MATCAP2: variants seen among roughly 807,000 people sequenced by gnomAD.
MATCAP2 encodes the protein putative tyrosine carboxypeptidase MATCAP2.
the MATCAP2 span, among the ~76,000 whole-genome samples, chr7:36,364,208 C>G: frequency 6.6e-6 from 1 of 152,178 alleles, no homozygotes; most frequent in Admixed American, 6.5e-5. Flanking sequence ...CTGCCTCAGC[C>G]TTCCAAGTAG....
At chr7:36,390,003 T>C in the MATCAP2 span, 1 of 1,614,100 alleles carries the variant, frequency 6.2e-7, no homozygotes, top group Non-Finnish European at 8.5e-7. Context: ...GTTTCCATCG[T>C]CTCGTAGTCC....
the MATCAP2 span, chr7:36,367,191 G>C: frequency 8.4e-7 from 1 of 1,188,978 alleles, no homozygotes; most frequent in Non-Finnish European, 1.0e-6. Flanking sequence ...GCCCAGCAGC[G>C]CTTAGAACCT....
chr7:36,347,345 GACCATCAATC>G, the MATCAP2 span, among the ~76,000 whole-genome samples: 1 of 152,152 alleles, frequency 6.6e-6, no homozygotes. Flanking sequence ...CTGGAAACCT[GACCATCAATC>G]ATGTGCTAAA....
At chr7:36,342,506 G>A in the MATCAP2 span, among the ~76,000 whole-genome samples, 451 of 152,308 alleles carry the variant, frequency 3.0e-3, 1 homozygote, top group African/African-American at 0.01. Flanking sequence ...CAGGAAGCTT[G>A]AGAAATCAAC....
the MATCAP2 span, among the ~76,000 whole-genome samples, chr7:36,333,094 A>C: frequency 1.1e-4 from 16 of 152,092 alleles, no homozygotes; most frequent in African/African-American, 3.9e-4. Context: ...AGCAGACTTA[A>C]ACGTTCCTGC....
chr7:36,383,918 CT>C, the MATCAP2 span: 4 of 1,576,680 alleles, frequency 2.5e-6, no homozygotes, highest in Admixed American at 1.8e-5. Context: ...AGGTCTTGGC[CT>C]TTTCTCTCCC....
chr7:36,345,476 T>C, the MATCAP2 span, among the ~76,000 whole-genome samples: 1 of 152,120 alleles, frequency 6.6e-6, no homozygotes, highest in Non-Finnish European at 1.5e-5. Flanking sequence ...GTAATTGTTC[T>C]CTCCTCACCT....
At chr7:36,343,636 A>G in the MATCAP2 span, among the ~76,000 whole-genome samples, 1 of 25,716 alleles carries the variant, frequency 3.9e-5, no homozygotes, top group East Asian at 2.2e-3. Context: ...AAAGAAAAGA[A>G]AAAGAAAAAG....
the MATCAP2 span, chr7:36,368,354 G>A: frequency 2.6e-5 from 4 of 152,240 alleles, no homozygotes; most frequent in Non-Finnish European, 5.9e-5. Flanking sequence ...CACACCCTGA[G>A]AATGACAGGC....
At chr7:36,346,802 C>G in the MATCAP2 span, among the ~76,000 whole-genome samples, 2 of 152,076 alleles carry the variant, frequency 1.3e-5, no homozygotes, top group African/African-American at 4.8e-5. Context: ...GCTCTGTTGC[C>G]CGGGCTGGAG....
the MATCAP2 span, among the ~76,000 whole-genome samples, chr7:36,351,135 G>A: frequency 1.3e-5 from 2 of 152,290 alleles, no homozygotes; most frequent in African/African-American, 2.4e-5. Context: ...GGTAGCTCAC[G>A]CCTGTAATCC....
At chr7:36,342,647 CAG>C in the MATCAP2 span, among the ~76,000 whole-genome samples, 2 of 151,728 alleles carry the variant, frequency 1.3e-5, no homozygotes, top group African/African-American at 4.8e-5. Flanking sequence ...GTTTTGGAAA[CAG>C]AGTCTCCCTC....
chr7:36,377,609 G>A, the MATCAP2 span, among the ~76,000 whole-genome samples: 1 of 152,086 alleles, frequency 6.6e-6, no homozygotes, highest in African/African-American at 2.4e-5. Flanking sequence ...GAATATCTTT[G>A]TGGTGTTCTC....
At chr7:36,353,621 C>G in the MATCAP2 span, among the ~76,000 whole-genome samples, 1 of 151,728 alleles carries the variant, frequency 6.6e-6, no homozygotes, top group Non-Finnish European at 1.5e-5. Flanking sequence ...GCTGGGACTA[C>G]AGGCGCCCAC....
At chr7:36,333,222 G>T in the MATCAP2 span, among the ~76,000 whole-genome samples, 1 of 152,156 alleles carries the variant, frequency 6.6e-6, no homozygotes, top group South Asian at 2.1e-4. Flanking sequence ...CAACATGAAT[G>T]AATTTTGAAA....
the MATCAP2 span, among the ~76,000 whole-genome samples, chr7:36,385,797 TAA>T: frequency 7.0e-4 from 69 of 98,588 alleles, no homozygotes; most frequent in East Asian, 0.019. Context: ...AAAAATAAAA[TAA>T]AATAAAATAA....
chr7:36,333,936 C>T, the MATCAP2 span: 16 of 1,614,086 alleles, frequency 9.9e-6, no homozygotes, highest in Non-Finnish European at 1.1e-5. Context: ...GACAAACCTG[C>T]CAATATCTTT....
At chr7:36,384,425 C>T in the MATCAP2 span, among the ~76,000 whole-genome samples, 3 of 152,092 alleles carry the variant, frequency 2.0e-5, no homozygotes, top group Admixed American at 2.0e-4. Flanking sequence ...CTCAGTTTTC[C>T]CATCTCTAAA....
At chr7:36,381,275 C>T in the MATCAP2 span, among the ~76,000 whole-genome samples, 1 of 151,984 alleles carries the variant, frequency 6.6e-6, no homozygotes, top group African/African-American at 2.4e-5. Context: ...TGGAGCATTT[C>T]CAAGTGTTGA....
Sources: allele counts gnomAD v4.1 joint callset (sites outside exome capture counted in the v4.1 genomes callset), GRCh38; gene constraint gnomAD v4.1.1; transcripts MANE v1.5; gene names NCBI Gene and HGNC (gene_info 2026-07-23, HGNC 2026-07-21).